ROR1: variants seen among roughly 807,000 people sequenced by gnomAD.
ROR1 encodes the protein ROR family WNT receptor 1.
A neutral mutation model predicts 78.8 loss-of-function variants in ROR1; 19 were observed. The observed-to-expected ratio is 0.24, with a 90% confidence interval of 0.17 to 0.35. The LOEUF (loss-of-function observed/expected upper bound fraction) is 0.35, where lower values mean the gene tolerates loss of function less well. Ranked by LOEUF, ROR1 falls within the 10% of genes least tolerant of loss-of-function variation. ROR1 has a pLI of 1.00. For synonymous variants in ROR1, 386 were observed against 433.6 expected (o/e 0.89, Z 1.36); for missense variants, 917 against 1,177.8 (o/e 0.78, Z 3.24).
intron 4 of ROR1, among the ~76,000 whole-genome samples, chr1:64,073,901 T>C (rs1228844524): frequency 1.3e-5 from 2 of 152,236 alleles, no homozygotes; most frequent in African/African-American, 4.8e-5. Flanking sequence ...TTTGTAGCTC[T>C]GCCCTGGGGC....
intron 1 of ROR1, among the ~76,000 whole-genome samples, chr1:63,921,141 A>G (rs973459074): frequency 6.6e-6 from 1 of 152,182 alleles, no homozygotes; most frequent in Non-Finnish European, 1.5e-5. Context: ...TAACTCGGTA[A>G]TCACCTCTGA....
intron 4 of ROR1, among the ~76,000 whole-genome samples, chr1:64,052,497 A>G (rs191965867): frequency 6.6e-6 from 1 of 152,052 alleles, no homozygotes. Context: ...TGAAGTTTTC[A>G]TTCTTCACTG....
chr1:64,083,602 A>AC (rs1407507567), intron 4 of ROR1, among the ~76,000 whole-genome samples: 2 of 151,774 alleles, frequency 1.3e-5, no homozygotes, highest in Non-Finnish European at 2.9e-5. Context: ...AGAGAAAAAA[A>AC]AAAAAACAAC....
intron 1 of ROR1, among the ~76,000 whole-genome samples, chr1:63,885,271 G>A (rs1482583262): frequency 6.6e-6 from 1 of 152,100 alleles, no homozygotes; most frequent in Non-Finnish European, 1.5e-5. Context: ...TTTTGCTTGG[G>A]GCTCCTAGGG....
At chr1:63,793,573 T>TG (rs1644739828) in intron 1 of ROR1, among the ~76,000 whole-genome samples, 1 of 152,240 alleles carries the variant, frequency 6.6e-6, no homozygotes, top group Admixed American at 6.5e-5. Context: ...GGCACAGTGC[T>TG]GGGTGCTGGC....
chr1:64,002,640 A>G (rs979853458), intron 1 of ROR1, among the ~76,000 whole-genome samples: 4 of 152,208 alleles, frequency 2.6e-5, no homozygotes, highest in African/African-American at 9.6e-5. Flanking sequence ...CTTTAAATAC[A>G]AGAACTGCAT....
chr1:64,112,229 C>G (rs924949535), intron 4 of ROR1: 1 of 152,146 alleles, frequency 6.6e-6, no homozygotes, highest in Non-Finnish European at 1.5e-5. Flanking sequence ...AATAATTGTT[C>G]TAAGTTCCAT....
chr1:64,177,135 G>T (rs535511021), intron 8 of ROR1, among the ~76,000 whole-genome samples: 334 of 152,342 alleles, frequency 2.2e-3, no homozygotes, highest in African/African-American at 7.6e-3. Context: ...GTAAGTTTGG[G>T]TGATGCTGAT....
chr1:64,067,584 CATT>C (rs1025607890), intron 4 of ROR1, among the ~76,000 whole-genome samples: 6 of 150,808 alleles, frequency 4.0e-5, no homozygotes, highest in African/African-American at 1.2e-4. Flanking sequence ...AATACCAAAA[CATT>C]ATTTTTCTTT....
intron 8 of ROR1, among the ~76,000 whole-genome samples, chr1:64,172,182 A>G (rs1436907525): frequency 6.6e-6 from 1 of 152,162 alleles, no homozygotes; most frequent in Non-Finnish European, 1.5e-5. Flanking sequence ...AAGGTGAAAA[A>G]AGCCACCAGT....
chr1:63,977,344 T>C (rs935996203), intron 1 of ROR1, among the ~76,000 whole-genome samples: 40 of 152,312 alleles, frequency 2.6e-4, no homozygotes, highest in African/African-American at 8.9e-4. Flanking sequence ...ATTTTGACTG[T>C]GACCTATCAC....
At chr1:64,041,375 G>GA (rs1296000394) in intron 2 of ROR1, among the ~76,000 whole-genome samples, 2 of 152,082 alleles carry the variant, frequency 1.3e-5, no homozygotes, top group African/African-American at 4.8e-5. Context: ...TTCTTAAAAG[G>GA]AAAAAGTAGT....
At chr1:64,115,754 C>T (rs1019916350) in intron 4 of ROR1, among the ~76,000 whole-genome samples, 3 of 152,086 alleles carry the variant, frequency 2.0e-5, no homozygotes, top group African/African-American at 7.2e-5. Context: ...CAGAGGGTGG[C>T]AGCATGAGCT....
At chr1:64,096,037 AAAAT>A (rs149256814) in intron 4 of ROR1, among the ~76,000 whole-genome samples, 41,641 of 151,738 alleles carry the variant, frequency 0.27, 6,255 homozygotes, top group African/African-American at 0.4. Flanking sequence ...AAGGGTTTGT[AAAAT>A]AAATAAATAA....
chr1:64,052,075 A>G (rs574288769), intron 4 of ROR1, among the ~76,000 whole-genome samples: 11 of 152,368 alleles, frequency 7.2e-5, no homozygotes, highest in African/African-American at 2.6e-4. Flanking sequence ...AGTCTTTAAA[A>G]TCACTCAAGT....
chr1:63,999,978 G>C (rs1437384186), intron 1 of ROR1, among the ~76,000 whole-genome samples: 1 of 152,110 alleles, frequency 6.6e-6, no homozygotes, highest in Admixed American at 6.5e-5. Context: ...CTTTTGAGTG[G>C]CATGTGACTT....
At chr1:63,893,064 C>T (rs185297955) in intron 1 of ROR1, among the ~76,000 whole-genome samples, 29 of 152,238 alleles carry the variant, frequency 1.9e-4, no homozygotes, top group Admixed American at 1.7e-3. Context: ...GCAGAGGGTG[C>T]GGTTTCCCTG....
At chr1:63,909,651 C>T (rs769159852) in intron 1 of ROR1, among the ~76,000 whole-genome samples, 7 of 152,132 alleles carry the variant, frequency 4.6e-5, no homozygotes, top group Non-Finnish European at 1.0e-4. Flanking sequence ...AGTCTGCACA[C>T]GTTTTCTCAG....
At chr1:64,039,884 A>G (rs989715961) in intron 2 of ROR1, among the ~76,000 whole-genome samples, 1 of 152,204 alleles carries the variant, frequency 6.6e-6, no homozygotes, top group Non-Finnish European at 1.5e-5. Context: ...TTTATAATTC[A>G]ACCACAAAGG....
Sources: gnomAD v4.1 joint callset for allele counts (sites outside exome capture counted in the v4.1 genomes callset) on GRCh38, gnomAD v4.1.1 for gene constraint, MANE v1.5 for transcripts, NCBI Gene and HGNC (gene_info 2026-07-23, HGNC 2026-07-21) for gene names.